Variants in CSMD1 observed in about 807,000 individuals in gnomAD.
CSMD1 encodes CUB and Sushi multiple domains 1, also known as CUB and sushi domain-containing protein 1.
In CSMD1, 213 loss-of-function variants were observed where a neutral mutation model predicts 417.5. That is an observed-to-expected ratio of 0.51 (90% confidence interval 0.46 to 0.57). CSMD1 has a LOEUF of 0.57. CSMD1 is among the 20% of genes least tolerant of loss of function. CSMD1 has a pLI of 0.00. For missense variants in CSMD1, 6,923 were observed against 4,529.7 expected (o/e 1.53, Z -15.17); for synonymous variants, 2,862 against 1,736.8 (o/e 1.65, Z -16.11).
chr8:3,990,007 C>CA (rs1458161802), intron 5 of CSMD1, among the ~76,000 whole-genome samples: 1 of 152,130 alleles, frequency 6.6e-6, no homozygotes, highest in Admixed American at 6.5e-5. Flanking sequence ...GAGGATGTGC[C>CA]AGTTGGCTGA....
intron 2 of CSMD1, among the ~76,000 whole-genome samples, chr8:4,620,895 T>G (rs968687249): frequency 1.3e-5 from 2 of 150,440 alleles, no homozygotes; most frequent in Non-Finnish European, 3.0e-5. Flanking sequence ...AAAAATTGAG[T>G]AAAGTAAAAA....
intron 3 of CSMD1, among the ~76,000 whole-genome samples, chr8:4,218,928 G>A (rs1025877595): frequency 1.3e-5 from 2 of 152,108 alleles, no homozygotes; most frequent in Non-Finnish European, 2.9e-5. Context: ...AACCCTTGGG[G>A]TCATTCTCTG....
chr8:4,228,905 C>G (rs956828593), intron 3 of CSMD1, among the ~76,000 whole-genome samples: 1 of 152,072 alleles, frequency 6.6e-6, no homozygotes, highest in Non-Finnish European at 1.5e-5. Flanking sequence ...TGGTCTTGAA[C>G]TCCTGACTGC....
rs1184304719 is a variant in CSMD1 at position 3,603,623 on chromosome 8, G to A, written c.1097+13087C>T. Among the ~76,000 whole-genome samples, 4 of 152,078 alleles carry A rather than the reference G, an allele frequency of 2.6e-5. No individual in the cohort carries two copies. The South Asian group carries it at 6.2e-4, about 24-fold the overall frequency. On this transcript the variant is annotated intron_variant, in intron 8 of 69. Coordinates refer to ENST00000635120, the MANE Select transcript of CSMD1 (RefSeq NM_033225.6). ...CCACTTAGGGACATGGAATGGAAAC[G>A]GATTATGTCACAAAGGGGATTTTTT...
intron 6 of CSMD1, among the ~76,000 whole-genome samples, chr8:3,750,285 A>G (rs981175017): frequency 3.3e-5 from 5 of 151,036 alleles, no homozygotes; most frequent in African/African-American, 4.8e-5. Context: ...ATAAAAATGT[A>G]TGTTCTTTTT....
intron 3 of CSMD1, among the ~76,000 whole-genome samples, chr8:4,055,024 T>C (rs1334079034): frequency 6.6e-6 from 1 of 152,180 alleles, no homozygotes; most frequent in Non-Finnish European, 1.5e-5. Flanking sequence ...AGAAGGCGCC[T>C]ATTTCACAAA....
intron 1 of CSMD1, among the ~76,000 whole-genome samples, chr8:4,667,901 G>A (rs1424346310): frequency 6.6e-6 from 1 of 152,164 alleles, no homozygotes; most frequent in African/African-American, 2.4e-5. Flanking sequence ...GAATAGCAGT[G>A]GTTAGAGTGG....
At chr8:3,676,334 G>A (rs1462083618) in intron 7 of CSMD1, among the ~76,000 whole-genome samples, 1 of 152,160 alleles carries the variant, frequency 6.6e-6, no homozygotes, top group South Asian at 2.1e-4. Context: ...AAGAGCAGGT[G>A]GAGGTGGGTG....
intron 50 of CSMD1, among the ~76,000 whole-genome samples, chr8:3,036,932 C>T (rs1810718464): frequency 6.6e-6 from 1 of 152,142 alleles, no homozygotes; most frequent in East Asian, 1.9e-4. Flanking sequence ...AAGCAGTGTG[C>T]ACTGTATCCA....
Position 3,720,620 on chromosome 8 carries a change from T to TACACAC in CSMD1, c.932-12135_932-12130dup, listed in dbSNP as rs1554520854. 1.4e-3 allele frequency among the ~76,000 whole-genome samples: 204 copies of TACACAC among 143,406 alleles called. 1 individual carries two copies. The highest frequency in any genetic ancestry group is 1.0e-2 in the South Asian group (43 of 4,318). 94.1% of individuals were successfully genotyped at this position (143,406 alleles called of 152,430 possible). On this transcript the variant is annotated intron_variant, in intron 6 of 69. Transcript: ENST00000635120. ...CATTGGTGGTCAAAGTCTTTATTCT[T>TACACAC]ACACACACACACACACACACACACA...
At chr8:4,805,469 G>C (rs73181505) in intron 1 of CSMD1, among the ~76,000 whole-genome samples, 7,501 of 152,042 alleles carry the variant, frequency 0.049, 211 homozygotes, top group African/African-American at 0.068. Flanking sequence ...AGAAGCCTGC[G>C]TCGAGAAGTC....
Position 2,973,277 on chromosome 8 carries a change from A to T in CSMD1, c.8763T>A (p.Gly2921=), listed in dbSNP as rs1804618963. 1 of 1,613,832 alleles carries T rather than the reference A, an allele frequency of 6.2e-7. No individual in the cohort carries two copies. The highest frequency in any genetic ancestry group is 1.7e-5 in the Admixed American group (1 of 60,002). Residue 2921 remains glycine (G), a synonymous_variant, in exon 57 of 70, where the codon GGT becomes GGA. Transcript: ENST00000635120. The part of the protein sequence containing the change: ...HCTGNNPGFC[G]DPGTPAHGSR... ...ACCCATGTGCTGGGGTCCCCGGATC[A>T]CCACAGAATCCAGGATTATTTCCTA...
intron 5 of CSMD1, among the ~76,000 whole-genome samples, chr8:3,866,419 C>T (rs558053140): frequency 2.6e-5 from 4 of 152,242 alleles, no homozygotes; most frequent in South Asian, 4.1e-4. Flanking sequence ...TAAATGGAAG[C>T]GTTTCCAATT....
In CSMD1 at chr8:3,574,966, G is replaced by T. The variant is rs766723328; in HGVS notation, c.1323C>A (p.Ile441=). The T allele has an allele frequency of 1.9e-6, 3 of 1,612,566 alleles. No homozygotes were observed. Among genetic ancestry groups the T allele is most frequent in the Non-Finnish European group, 1.7e-6 (2 of 1,179,696 alleles). Residue 441 remains isoleucine, a synonymous_variant, in exon 10 of 70, where the codon ATC becomes ATA. Transcript: ENST00000635120. ...TTACCTTGTCCGGGTCGGTGGTGGT[G>T]ATGACCCACACACAGTGTGCATTAT... The part of the protein sequence containing the change: ...YEDNAHCVWV[I]TTTDPDKVIK...
intron 41 of CSMD1, among the ~76,000 whole-genome samples, chr8:3,141,161 G>T (rs1174220882): frequency 6.6e-6 from 1 of 152,158 alleles, no homozygotes; most frequent in African/African-American, 2.4e-5. Flanking sequence ...AGTTGACTAC[G>T]GCCATGGGAG....
chr8:4,392,517 G>T (rs756461681), intron 3 of CSMD1, among the ~76,000 whole-genome samples: 2 of 152,102 alleles, frequency 1.3e-5, no homozygotes, highest in Non-Finnish European at 2.9e-5. Flanking sequence ...CACGGTTTGT[G>T]TGTGGAGATG....
chr8:4,176,670 G>A (rs1443998994), intron 3 of CSMD1, among the ~76,000 whole-genome samples: 1 of 151,590 alleles, frequency 6.6e-6, no homozygotes, highest in Non-Finnish European at 1.5e-5. Flanking sequence ...TCAGTGTGCT[G>A]TATTCAGGAA....
At position 4,931,209 on chromosome 8, in the gene CSMD1, C is replaced by T. The variant is rs192780982; in HGVS notation, c.85+63123G>A. On this transcript the variant is annotated intron_variant, in intron 1 of 69. Coordinates refer to ENST00000635120, the MANE Select transcript of CSMD1 (RefSeq NM_033225.6). Reference sequence around the variant, plus strand: ...GCAGTCCTAAAAGATTGAAATATAACTCACTCCCCTTTTTTTAGAATATTG... The same window carrying T: ...GCAGTCCTAAAAGATTGAAATATAATTCACTCCCCTTTTTTTAGAATATTG... Among the ~76,000 whole-genome samples the T allele has an allele frequency of 3.3e-5, 5 of 152,250 alleles. No homozygotes were observed. In the East Asian group the frequency reaches 9.7e-4, roughly 29 times the overall value.
At chr8:4,138,000 C>G (rs1003188601) in intron 3 of CSMD1, among the ~76,000 whole-genome samples, 2 of 149,134 alleles carry the variant, frequency 1.3e-5, no homozygotes, top group African/African-American at 2.4e-5. Flanking sequence ...GCCTCAGCCT[C>G]CAGAGTAGCT....
Sources: allele counts gnomAD v4.1 joint callset (sites outside exome capture counted in the v4.1 genomes callset), GRCh38; gene constraint gnomAD v4.1.1; transcripts MANE v1.5; gene names NCBI Gene and HGNC (gene_info 2026-07-23, HGNC 2026-07-21).